The following PTDSS2 variants were observed in gnomAD, a reference collection of about 807,000 sequenced individuals.
The protein encoded by PTDSS2 is PSS-2.
A neutral mutation model predicts 64.7 loss-of-function variants in PTDSS2; 41 were observed. The observed-to-expected ratio is 0.63, with a 90% confidence interval of 0.49 to 0.82. PTDSS2 has a LOEUF of 0.82. Ranked by LOEUF, PTDSS2 falls within the 40% of genes least tolerant of loss-of-function variation. The pLI is 0.00. For synonymous variants in PTDSS2, 297 were observed against 277.8 expected, an observed-to-expected ratio of 1.07 and a Z score of -0.69; for missense variants, 485 against 650.0, an observed-to-expected ratio of 0.75 and a Z score of 2.76.
intron 4 of PTDSS2, among the ~76,000 whole-genome samples, chr11:486,734 G>A (rs797014862): frequency 1.1e-4 from 16 of 152,264 alleles, no homozygotes; most frequent in African/African-American, 3.4e-4. Flanking sequence ...TGTAGTCCCA[G>A]CTACTCGGGA....
chr11:456,448 A>G (rs1199370680), intron 1 of PTDSS2, among the ~76,000 whole-genome samples: 1 of 151,776 alleles, frequency 6.6e-6, no homozygotes, highest in Non-Finnish European at 1.5e-5. Context: ...AAGCTCTGGA[A>G]TTACAGGTGT....
At chr11:487,280 C>A in intron 5 of PTDSS2, 140 bp from the exon 6 acceptor site, 1 of 970,458 alleles carries the variant, frequency 1.0e-6, no homozygotes, top group Non-Finnish European at 1.6e-6. Flanking sequence ...GTGGTCTCCA[C>A]AGGCCACGGC....
Position 460,040 on chromosome 11 carries a change from G to C in PTDSS2, c.183-147G>C, listed in dbSNP as rs1239210095. 4 of 646,982 alleles carry C rather than the reference G, an allele frequency of 6.2e-6. No individual in the cohort carries two copies. In the African/African-American group the frequency reaches 7.2e-5, roughly 12 times the overall value. 40.1% of individuals were successfully genotyped at this position (646,982 alleles called of 1,614,324 possible). A position where few individuals can be genotyped will look rare whatever the true frequency, so the allele number is the denominator to read the frequency against. Reference sequence around the variant, plus strand: ...GGGTCATCTCGGAGTTACCCAGCTAGGGACTCGCAGCCAGTTGCTGGTTGG... The same window carrying C: ...GGGTCATCTCGGAGTTACCCAGCTACGGACTCGCAGCCAGTTGCTGGTTGG... On this transcript the variant is annotated intron_variant, in intron 1 of 11. Transcript: ENST00000308020. The surrounding 1 kb of genome is among the most constrained non-coding windows in gnomAD (Gnocchi z 5.8).
chr11:453,838 G>A (rs1846463377), intron 1 of PTDSS2, among the ~76,000 whole-genome samples: 1 of 152,264 alleles, frequency 6.6e-6, no homozygotes, highest in Non-Finnish European at 1.5e-5. Flanking sequence ...CTCCAAGGAG[G>A]CAGCTGGGTC....
chr11:482,060 G>T (rs1322998890), intron 4 of PTDSS2, among the ~76,000 whole-genome samples: 1 of 151,638 alleles, frequency 6.6e-6, no homozygotes, highest in Non-Finnish European at 1.5e-5. Context: ...TGTTGAGGCT[G>T]GTCTTGAACT....
At chr11:484,977 C>CAG (rs58756088) in intron 4 of PTDSS2, among the ~76,000 whole-genome samples, 3,393 of 113,974 alleles carry the variant, frequency 0.03, 211 homozygotes, top group African/African-American at 0.11. Context: ...CGAGCGTAAA[C>CAG]TGCACGGGCA....
At chr11:486,613 T>C (rs1268215672) in intron 4 of PTDSS2, among the ~76,000 whole-genome samples, 2 of 151,424 alleles carry the variant, frequency 1.3e-5, no homozygotes, top group African/African-American at 2.4e-5. Flanking sequence ...GAGGCCGAAG[T>C]GGGCGGATCA....
chr11:485,559 GTGTGCT>G (rs1564992024), intron 4 of PTDSS2, among the ~76,000 whole-genome samples: 1 of 102,906 alleles, frequency 9.7e-6, no homozygotes. Context: ...GCACGGGCGC[GTGTGCT>G]CACCGTGTGC....
intron 2 of PTDSS2, among the ~76,000 whole-genome samples, chr11:471,815 C>CGGCCTGGGGTGACGCGGATGGT (rs1564975329): frequency 1.6e-5 from 2 of 122,286 alleles, no homozygotes; most frequent in Non-Finnish European, 3.3e-5. Context: ...ACGTGGATGG[C>CGGCCTGGGGTGACGCGGATGGT]GGCCTGGGGT....
At chr11:484,153 T>C (rs1171286502) in intron 4 of PTDSS2, among the ~76,000 whole-genome samples, 3 of 152,258 alleles carry the variant, frequency 2.0e-5, no homozygotes, top group Non-Finnish European at 2.9e-5. Flanking sequence ...TGCATATTTA[T>C]TTCAGCGCTG....
At chr11:469,554 C>T (rs1370263512) in intron 2 of PTDSS2, among the ~76,000 whole-genome samples, 2 of 151,640 alleles carry the variant, frequency 1.3e-5, no homozygotes, top group East Asian at 1.9e-4. Context: ...ATCAGAGGGA[C>T]GAGGTTGGAG....
intron 1 of PTDSS2, chr11:459,886 A>T: frequency 2.5e-6 from 1 of 400,444 alleles, no homozygotes; most frequent in Non-Finnish European, 4.6e-6. Context: ...TTAATAGCAG[A>T]TACCTGCCCT....
chr11:488,259 G>T lies in PTDSS2; in HGVS notation c.682G>T (p.Glu228Ter). The T allele has an allele frequency of 6.2e-7, 1 of 1,613,624 alleles. No individual in the cohort carries two copies. The highest frequency in any genetic ancestry group is 1.3e-5 in the African/African-American group (1 of 75,048). The change falls in exon 7 of 12, where the codon GAG (glutamate) becomes TAG (stop). Residue 228 changes from glutamate (E) to a stop codon, truncating the protein, a stop_gained. Coordinates refer to ENST00000308020, the MANE Select transcript of PTDSS2 (RefSeq NM_030783.3). LOFTEE classifies it high-confidence loss of function. ...CATCAGCGTGATGTTCGAGTTCCTG[G>T]AGTACAGCCTGGAGCACCAGCTGCC... Reference protein sequence around the residue: ...MIISVMFEFLEYSLEHQLPNF... With the variant: ...MIISVMFEFL
chr11:490,811 C>CGTGTGTGTACGT lies in PTDSS2; in HGVS notation c.*230_*231insTGTGTGTACGTG, dbSNP rs149316958. On this transcript the variant is annotated 3_prime_UTR_variant, in exon 12 of 12. Coordinates refer to ENST00000308020, the MANE Select transcript of PTDSS2 (RefSeq NM_030783.3). ...ATGCGTGTGTGTACGCGTGTGTACG[C>CGTGTGTGTACGT]GCGTGTGTACACATGCGTGGCCGCC... 2 of 581,980 alleles carry CGTGTGTGTACGT rather than the reference C, an allele frequency of 3.4e-6. No individual in the cohort carries two copies. Among genetic ancestry groups the CGTGTGTGTACGT allele is most frequent in the African/African-American group, 3.7e-5 (2 of 53,398 alleles). The allele number at this position is 581,980 out of a possible 1,614,324, so 36.1% of individuals were successfully genotyped here. A position where few individuals can be genotyped will look rare whatever the true frequency, so the allele number is the denominator to read the frequency against.
At chr11:458,429 T>A (rs978620823) in intron 1 of PTDSS2, among the ~76,000 whole-genome samples, 1 of 151,394 alleles carries the variant, frequency 6.6e-6, no homozygotes, top group African/African-American at 2.4e-5. Flanking sequence ...ATGGTCTCGA[T>A]CTCCTGACCT....
Position 479,320 on chromosome 11 carries a change from CG to C in PTDSS2, c.435+170del, listed in dbSNP as rs1847962947. On this transcript the variant is annotated intron_variant, in intron 4 of 11. Coordinates refer to ENST00000308020, the MANE Select transcript of PTDSS2 (RefSeq NM_030783.3). The surrounding 1 kb of genome is among the most constrained non-coding windows in gnomAD (Gnocchi z 4.2). The stretch of plus-strand genomic sequence containing the variant: ...CGGGGGGTCTCCAGGAGCATCTGTG[CG>C]GCCCTTGAGTGATGGGGGGCAGCAA... 2.9e-6 allele frequency: 2 copies of C among 698,190 alleles called. No individual in the cohort carries two copies. Among genetic ancestry groups the C allele is most frequent in the South Asian group, 3.2e-5 (2 of 61,544 alleles). The allele number at this position is 698,190 out of a possible 1,614,324, so 43.2% of individuals were successfully genotyped here.
At position 476,919 on chromosome 11, in the gene PTDSS2, C is replaced by T. The variant is rs1393861548; in HGVS notation, c.368-2166C>T. 1.3e-5 allele frequency among the ~76,000 whole-genome samples: 2 copies of T among 152,156 alleles called. No homozygotes were observed. Among genetic ancestry groups the T allele is most frequent in the South Asian group, 4.1e-4 (2 of 4,828 alleles). On this transcript the variant is annotated intron_variant, in intron 3 of 11. Coordinates refer to ENST00000308020, the MANE Select transcript of PTDSS2 (RefSeq NM_030783.3). The surrounding 1 kb of genome is among the most constrained non-coding windows in gnomAD (Gnocchi z 4.9). ...TGTCCTGGAGCCACCTTCTTCCACG[C>T]GTCTTGTTAACTTGGGGGCCGGCAG...
intron 1 of PTDSS2, among the ~76,000 whole-genome samples, chr11:457,828 C>T (rs1281917147): frequency 6.6e-6 from 1 of 152,194 alleles, no homozygotes. Flanking sequence ...GGATAGCAGA[C>T]GTAGCATAGG....
intron 3 of PTDSS2, among the ~76,000 whole-genome samples, chr11:475,433 C>CAT (rs1477005865): frequency 2.2e-3 from 141 of 63,446 alleles, no homozygotes; most frequent in African/African-American, 4.1e-3. Flanking sequence ...TGTGTACAGA[C>CAT]ATTCACGCGT....
Sources: allele counts gnomAD v4.1 joint callset (sites outside exome capture counted in the v4.1 genomes callset), GRCh38; gene constraint gnomAD v4.1.1; non-coding constraint Gnocchi (gnomAD v3.1); transcripts MANE v1.5; gene names NCBI Gene and HGNC (gene_info 2026-07-23, HGNC 2026-07-21).